ADGRL3: variants seen among roughly 807,000 people sequenced by gnomAD.
ADGRL3 encodes the protein adhesion G protein-coupled receptor L3, also known as calcium-independent alpha-latrotoxin receptor 3.
In ADGRL3, 62 loss-of-function variants were observed where a neutral mutation model predicts 153.5. The observed-to-expected ratio is 0.40, with a 90% CI of 0.33 to 0.50. ADGRL3 has a LOEUF of 0.50. Ranked by LOEUF, ADGRL3 falls within the 20% of genes least tolerant of loss-of-function variation. The pLI, the probability that ADGRL3 is intolerant of heterozygous loss-of-function variation, is 0.47. For synonymous variants in ADGRL3, 710 were observed against 672.5 expected (o/e 1.06, Z -0.86); for missense variants, 1,641 against 1,859.4 (o/e 0.88, Z 2.16).
At chr4:61,473,067 C>T (rs1046415488) in intron 2 of ADGRL3, among the ~76,000 whole-genome samples, 1 of 151,938 alleles carries the variant, frequency 6.6e-6, no homozygotes, top group Non-Finnish European at 1.5e-5. Flanking sequence ...GGAATTTTTT[C>T]AGAGAATTTT....
intron 2 of ADGRL3, among the ~76,000 whole-genome samples, chr4:61,421,046 C>T (rs1314415273): frequency 6.6e-6 from 1 of 152,066 alleles, no homozygotes; most frequent in African/African-American, 2.4e-5. Context: ...CACAGTGGCT[C>T]ACACCTGTAA....
chr4:61,934,518 G>A (rs1451057116), intron 13 of ADGRL3, among the ~76,000 whole-genome samples: 1 of 151,850 alleles, frequency 6.6e-6, no homozygotes, highest in Non-Finnish European at 1.5e-5. Flanking sequence ...TTTTTCAACA[G>A]TTCCCCAGCC....
chr4:61,422,144 G>C (rs545211681), intron 2 of ADGRL3, among the ~76,000 whole-genome samples: 1 of 152,196 alleles, frequency 6.6e-6, no homozygotes, highest in South Asian at 2.1e-4. Flanking sequence ...GTCTTTCTAC[G>C]TCTGAGTGAT....
chr4:61,574,851 G>T (rs1337937544), intron 4 of ADGRL3, among the ~76,000 whole-genome samples: 1 of 151,640 alleles, frequency 6.6e-6, no homozygotes, highest in Non-Finnish European at 1.5e-5. Flanking sequence ...AAATATTTTA[G>T]AAATAGAGAA....
At chr4:62,040,930 G>C (rs2151631513) in intron 24 of ADGRL3, among the ~76,000 whole-genome samples, 1 of 152,130 alleles carries the variant, frequency 6.6e-6, no homozygotes, top group South Asian at 2.1e-4. Context: ...AGAATTCTAA[G>C]TGAGAAAATG....
At chr4:61,614,700 G>T (rs1231155551) in intron 5 of ADGRL3, among the ~76,000 whole-genome samples, 1 of 152,148 alleles carries the variant, frequency 6.6e-6, no homozygotes, top group African/African-American at 2.4e-5. Flanking sequence ...CATAAAATAA[G>T]TCTTTCCTGA....
chr4:61,601,304 A>G (rs2099010625), intron 5 of ADGRL3, among the ~76,000 whole-genome samples: 1 of 152,148 alleles, frequency 6.6e-6, no homozygotes. Flanking sequence ...TTATAGAACT[A>G]TATATACTCT....
chr4:61,863,014 A>G (rs1354875389), intron 9 of ADGRL3, among the ~76,000 whole-genome samples: 1 of 152,144 alleles, frequency 6.6e-6, no homozygotes, highest in Non-Finnish European at 1.5e-5. Flanking sequence ...GGTGAAAAAC[A>G]TGACTTGGAT....
intron 21 of ADGRL3, among the ~76,000 whole-genome samples, chr4:62,005,999 C>CAT (rs1276087983): frequency 6.1e-5 from 5 of 82,588 alleles, no homozygotes; most frequent in Admixed American, 1.3e-4. Context: ...CACACACACA[C>CAT]ACACATATAT....
At chr4:61,432,655 T>TTTCCTTCTTTCTTTCTCTTTC (rs1553928415) in intron 2 of ADGRL3, among the ~76,000 whole-genome samples, 1 of 58,746 alleles carries the variant, frequency 1.7e-5, no homozygotes, top group East Asian at 3.4e-4. Context: ...TCTTTCTTTC[T>TTTCCTTCTTTCTTTCTCTTTC]TTTTTTTTTT....
chr4:61,645,965 C>T (rs531407360), intron 5 of ADGRL3, among the ~76,000 whole-genome samples: 1 of 152,288 alleles, frequency 6.6e-6, no homozygotes, highest in African/African-American at 2.4e-5. Flanking sequence ...TCCCATATTT[C>T]TTGGAGGCTT....
intron 2 of ADGRL3, among the ~76,000 whole-genome samples, chr4:61,403,844 C>G (rs974986972): frequency 6.6e-6 from 1 of 152,028 alleles, no homozygotes; most frequent in African/African-American, 2.4e-5. Flanking sequence ...ACCTGGAGAG[C>G]TGGAGAATTG....
chr4:61,388,082 C>T (rs143313758), intron 2 of ADGRL3, among the ~76,000 whole-genome samples: 2 of 152,214 alleles, frequency 1.3e-5, no homozygotes, highest in African/African-American at 2.4e-5. Context: ...ATCATCCACC[C>T]CTCTCCCACT....
intron 5 of ADGRL3, among the ~76,000 whole-genome samples, chr4:61,595,064 A>G (rs952421187): frequency 3.3e-5 from 5 of 152,044 alleles, no homozygotes; most frequent in Non-Finnish European, 5.9e-5. Flanking sequence ...CCTTCAGGGA[A>G]GTGTATTGCC....
At chr4:61,535,580 T>A (rs2098650626) in intron 4 of ADGRL3, among the ~76,000 whole-genome samples, 1 of 152,000 alleles carries the variant, frequency 6.6e-6, no homozygotes, top group African/African-American at 2.4e-5. Context: ...ATTCTTCTTG[T>A]TGGTAGTTTT....
intron 1 of ADGRL3, among the ~76,000 whole-genome samples, chr4:61,222,507 CT>C (rs1746094769): frequency 6.6e-6 from 1 of 152,076 alleles, no homozygotes; most frequent in Admixed American, 6.5e-5. Flanking sequence ...GTTATACTGA[CT>C]TCCTAGAAAA....
rs944467053 is a variant in ADGRL3 at position 61,743,818 on chromosome 4, A to C, written c.1399+10264A>C. Reference sequence around the variant, plus strand: ...CGGGTGATTTCTGCATTTCCATCTGAGGTACCGGGTTCATCTCACTAGGGA... The same window carrying C: ...CGGGTGATTTCTGCATTTCCATCTGCGGTACCGGGTTCATCTCACTAGGGA... On this transcript the variant is annotated intron_variant, in intron 8 of 26. Coordinates refer to ENST00000683033, the MANE Select transcript of ADGRL3 (RefSeq NM_001387552.1). Among the ~76,000 whole-genome samples the C allele has an allele frequency of 1.4e-3, 211 of 152,314 alleles. 2 individuals are homozygous for C. Among genetic ancestry groups the C allele is most frequent in the Non-Finnish European group, 3.5e-4 (24 of 68,022 alleles).
intron 1 of ADGRL3, among the ~76,000 whole-genome samples, chr4:61,259,449 A>C (rs1446589955): frequency 1.3e-5 from 2 of 151,444 alleles, no homozygotes; most frequent in East Asian, 3.9e-4. Context: ...TAAATAAATA[A>C]ATAAATAAAT....
At chr4:61,351,275 G>C (rs961398113) in intron 1 of ADGRL3, among the ~76,000 whole-genome samples, 1 of 152,178 alleles carries the variant, frequency 6.6e-6, no homozygotes. Flanking sequence ...TAGAAGAAAA[G>C]TTTGAAACTA....
Sources: gnomAD v4.1 joint callset for allele counts (sites outside exome capture counted in the v4.1 genomes callset) on GRCh38, gnomAD v4.1.1 for gene constraint, MANE v1.5 for transcripts, NCBI Gene and HGNC (gene_info 2026-07-23, HGNC 2026-07-21) for gene names.